Variants in SV2B observed in about 807,000 individuals in gnomAD.
SV2B encodes the protein solute carrier family 22 member B2.
SV2B carries 41 observed loss-of-function variants against 73.9 expected under a neutral mutation model. The observed-to-expected ratio is 0.56, with a 90% confidence interval of 0.43 to 0.72. The LOEUF (loss-of-function observed/expected upper bound fraction) is 0.72, where lower values mean the gene tolerates loss of function less well. Among genes scored for constraint, SV2B ranks in the 30% least tolerant of loss-of-function variants. SV2B has a pLI of 0.00. For synonymous variants in SV2B, 314 were observed against 314.2 expected (o/e 1.00, Z 0.01); for missense variants, 764 against 857.8 (o/e 0.89, Z 1.37).
At position 91,123,748 on chromosome 15, in the gene SV2B, C is replaced by T. The variant is rs757654033; in HGVS notation, c.-392+23385C>T. Among the ~76,000 whole-genome samples, 47 of 152,154 alleles carry T rather than the reference C, an allele frequency of 3.1e-4. No homozygotes were observed. Among genetic ancestry groups the T allele is most frequent in the Non-Finnish European group, 6.2e-4 (42 of 68,030 alleles). ...CGGACTCCTCATGCACTACTCCTTT[C>T]TCTATTCTGGGCGTGTCTTCACTGA... On this transcript the variant is annotated intron_variant, in intron 1 of 12. Transcript: ENST00000394232. This position sits in a 1 kb window ranked among gnomAD's most constrained non-coding sequence, Gnocchi z 4.7.
intron 1 of SV2B, among the ~76,000 whole-genome samples, chr15:91,173,556 C>G (rs1481090621): frequency 6.6e-6 from 1 of 152,200 alleles, no homozygotes; most frequent in African/African-American, 2.4e-5. Context: ...GGCCACTGTC[C>G]TGCCCTGTCC....
At chr15:91,200,502 C>T (rs1008756372) in intron 1 of SV2B, among the ~76,000 whole-genome samples, 1 of 152,124 alleles carries the variant, frequency 6.6e-6, no homozygotes, top group African/African-American at 2.4e-5. Flanking sequence ...CTCAGTATGT[C>T]AATATGGGTC....
Position 91,267,436 on chromosome 15 carries a change from C to A in SV2B, c.1120-119C>A. On this transcript the variant is annotated intron_variant, in intron 7 of 12. Coordinates refer to ENST00000394232, the MANE Select transcript of SV2B (RefSeq NM_001323032.3). The surrounding 1 kb of genome is among the most constrained non-coding windows in gnomAD (Gnocchi z 4.3). ...CTGCCTCTAGGAGACAGTGGGGTACCGGTTCTCTCCATGGGTTCCTAGGCA... is the reference window on the plus strand; with the variant it reads ...CTGCCTCTAGGAGACAGTGGGGTACAGGTTCTCTCCATGGGTTCCTAGGCA... 1 of 810,292 alleles carries A rather than the reference C, an allele frequency of 1.2e-6. No homozygotes were observed. The highest frequency in any genetic ancestry group is 1.6e-5 in the South Asian group (1 of 60,890). The allele number at this position is 810,292 out of a possible 1,614,324, so 50.2% of individuals were successfully genotyped here.
intron 1 of SV2B, among the ~76,000 whole-genome samples, chr15:91,198,787 G>A (rs1276479644): frequency 6.6e-6 from 1 of 152,170 alleles, no homozygotes; most frequent in African/African-American, 2.4e-5. Context: ...TTAAAGCTAC[G>A]TGGAGAACTT....
intron 1 of SV2B, among the ~76,000 whole-genome samples, chr15:91,199,324 A>G (rs2045377102): frequency 6.6e-6 from 1 of 152,136 alleles, no homozygotes. Flanking sequence ...GGTTTGTGTA[A>G]GGGGGCAGAC....
intron 1 of SV2B, among the ~76,000 whole-genome samples, chr15:91,222,321 A>C (rs546992485): frequency 1.4e-4 from 21 of 152,376 alleles, no homozygotes; most frequent in Admixed American, 2.0e-4. Context: ...TGTAAAGCAC[A>C]TGGTAAACTT....
rs2048810813 is a variant in SV2B, at chr15:91,284,981, G to T, written c.1708+760G>T. 6.6e-6 allele frequency among the ~76,000 whole-genome samples: 1 copy of T among 152,208 alleles called. No homozygotes were observed. The highest frequency in any genetic ancestry group is 6.5e-5 in the Admixed American group (1 of 15,288). ...CACATTAGAATATGAGTCAAGGCCA[G>T]GGGTGGGGAAGTGGACAACACATTA... is the stretch of plus-strand genomic sequence containing the variant. On this transcript the variant is annotated intron_variant, in intron 11 of 12. Transcript: ENST00000394232. This position sits in a 1 kb window ranked among gnomAD's most constrained non-coding sequence, Gnocchi z 4.5.
At chr15:91,102,604 A>G (rs1262855952) in intron 1 of SV2B, among the ~76,000 whole-genome samples, 1 of 152,120 alleles carries the variant, frequency 6.6e-6, no homozygotes, top group African/African-American at 2.4e-5. Context: ...GCTTAAATTA[A>G]TGAGAGAGTG....
Position 91,220,305 on chromosome 15 carries a change from G to C in SV2B, c.-391-5568G>C, listed in dbSNP as rs1052407143. On this transcript the variant is annotated intron_variant, in intron 1 of 12. Coordinates refer to ENST00000394232, the MANE Select transcript of SV2B (RefSeq NM_001323032.3). The surrounding 1 kb of genome is among the most constrained non-coding windows in gnomAD (Gnocchi z 4.1). Reference sequence around the variant, plus strand: ...GTTGATTAGAGCTATTCTAATGGATGTGTAGTGATATCTTACTGTGGGGTC... The same window carrying C: ...GTTGATTAGAGCTATTCTAATGGATCTGTAGTGATATCTTACTGTGGGGTC... Among the ~76,000 whole-genome samples the C allele has an allele frequency of 6.6e-6, 1 of 152,214 alleles. No homozygotes were observed. The highest frequency in any genetic ancestry group is 1.5e-5 in the Non-Finnish European group (1 of 68,028).
intron 1 of SV2B, among the ~76,000 whole-genome samples, chr15:91,125,800 A>AAAAAAAAAG (rs2042464712): frequency 6.7e-6 from 1 of 150,342 alleles, no homozygotes; most frequent in African/African-American, 2.4e-5. Flanking sequence ...AAAAAAAAAA[A>AAAAAAAAAG]TTCAGTCATT....
chr15:91,226,159 C>T lies in SV2B; in HGVS notation c.-105C>T. ...TAAGAAGTCACATGAACATATTTCACATTTGAACTACATAATGAATGATGG... is the reference window on the plus strand; with the variant it reads ...TAAGAAGTCACATGAACATATTTCATATTTGAACTACATAATGAATGATGG... On this transcript the variant is annotated 5_prime_UTR_variant, in exon 2 of 13. Coordinates refer to ENST00000394232, the MANE Select transcript of SV2B (RefSeq NM_001323032.3). The T allele has an allele frequency of 2.7e-6, 3 of 1,116,710 alleles. No individual in the cohort carries two copies. The highest frequency in any genetic ancestry group is 3.9e-6 in the Non-Finnish European group (3 of 776,002). 69.2% of individuals were successfully genotyped at this position (1,116,710 alleles called of 1,614,324 possible).
intron 1 of SV2B, among the ~76,000 whole-genome samples, chr15:91,175,292 T>C (rs532586257): frequency 2.2e-4 from 33 of 152,216 alleles, no homozygotes; most frequent in African/African-American, 7.9e-4. Context: ...TCTCGCTGTG[T>C]AGCCCAGGCT....
chr15:91,121,644 T>A lies in SV2B; in HGVS notation c.-392+21281T>A, dbSNP rs16945239. Among the ~76,000 whole-genome samples, 16,595 of 152,200 alleles carry A rather than the reference T, an allele frequency of 0.11. 1,369 individuals are homozygous for A. The highest frequency in any genetic ancestry group is 0.24 in the African/African-American group (9,765 of 41,472). Reference sequence around the variant, plus strand: ...AAAGCAGAGTTGGCTTAGAGATGAATGCAAATAAGATCTGAACACCAGCTC... The same window carrying A: ...AAAGCAGAGTTGGCTTAGAGATGAAAGCAAATAAGATCTGAACACCAGCTC... On this transcript the variant is annotated intron_variant, in intron 1 of 12. Transcript: ENST00000394232. This position sits in a 1 kb window ranked among gnomAD's most constrained non-coding sequence, Gnocchi z 4.4.
At chr15:91,181,931 A>C (rs2044594068) in intron 1 of SV2B, among the ~76,000 whole-genome samples, 2 of 152,098 alleles carry the variant, frequency 1.3e-5, no homozygotes, top group East Asian at 1.9e-4. Context: ...ATATAGATAG[A>C]TAGGTAGACA....
In SV2B at chr15:91,292,373, A is replaced by T. The variant is rs778093431; in HGVS notation, c.1873A>T (p.Thr625Ser). Residue 625 changes from threonine to serine, a missense_variant, in exon 13 of 13, where the codon ACA (threonine) becomes TCA (serine). Transcript: ENST00000394232. ...VELYPTNQRA[T>S]AFGILNGLCK... is the part of the protein sequence containing the mutation. ...ATTTCCATTCCTCTTTTACAGAGCA[A>T]CAGCCTTCGGCATTCTCAATGGATT... 5 of 1,613,812 alleles carry T rather than the reference A, an allele frequency of 3.1e-6. No individual in the cohort carries two copies. Among genetic ancestry groups the T allele is most frequent in the Non-Finnish European group, 4.2e-6 (5 of 1,179,810 alleles).
At chr15:91,274,684 T>C (rs1467562049) in intron 9 of SV2B, among the ~76,000 whole-genome samples, 1 of 152,206 alleles carries the variant, frequency 6.6e-6, no homozygotes, top group Non-Finnish European at 1.5e-5. Context: ...CACCAGCTAT[T>C]TAGAAGTGCA....
At chr15:91,221,693 G>GCACACACACACA (rs3082137) in intron 1 of SV2B, among the ~76,000 whole-genome samples, 7 of 140,068 alleles carry the variant, frequency 5.0e-5, no homozygotes, top group Non-Finnish European at 9.1e-5. Flanking sequence ...AAGCATGTGC[G>GCACACACACACA]CACACACACA....
chr15:91,179,148 G>T (rs1347184154), intron 1 of SV2B, among the ~76,000 whole-genome samples: 7 of 151,970 alleles, frequency 4.6e-5, no homozygotes, highest in African/African-American at 1.5e-4. Context: ...ATTTTGTTAT[G>T]TACCCAGTAG....
In SV2B at chr15:91,108,962, G is replaced by A. The variant is rs557808540; in HGVS notation, c.-392+8599G>A. On this transcript the variant is annotated intron_variant, in intron 1 of 12. Coordinates refer to ENST00000394232, the MANE Select transcript of SV2B (RefSeq NM_001323032.3). ...CACCCACCTCCTGTTCCCTTCAGTTGTTAGAGCTTGATTCTGTATGGGTTG... is the reference window on the plus strand; with the variant it reads ...CACCCACCTCCTGTTCCCTTCAGTTATTAGAGCTTGATTCTGTATGGGTTG... Among the ~76,000 whole-genome samples, 20 of 152,318 alleles carry A rather than the reference G, an allele frequency of 1.3e-4. 1 individual carries two copies. In the South Asian group the frequency reaches 4.1e-3, roughly 32 times the overall value.
Sources: allele counts gnomAD v4.1 joint callset (sites outside exome capture counted in the v4.1 genomes callset), GRCh38; gene constraint gnomAD v4.1.1; non-coding constraint Gnocchi (gnomAD v3.1); transcripts MANE v1.5; gene names NCBI Gene and HGNC (gene_info 2026-07-23, HGNC 2026-07-21).